The following DAB1 variants were observed in gnomAD, a reference collection of about 807,000 sequenced individuals.
DAB1 encodes DAB adaptor protein 1, also known as disabled homolog 1.
In DAB1, 15 loss-of-function variants were observed where a neutral mutation model predicts 64.6. That is an observed-to-expected ratio of 0.23 (90% confidence interval 0.16 to 0.36). The LOEUF (loss-of-function observed/expected upper bound fraction) is 0.36. DAB1 is among the 10% of genes least tolerant of loss of function. The pLI, the probability that DAB1 is intolerant of heterozygous loss-of-function variation, is 1.00. For missense variants in DAB1, 596 were observed against 706.7 expected (o/e 0.84, Z 1.78); for synonymous variants, 235 against 251.9 (o/e 0.93, Z 0.64).
chr1:57,719,416 T>G (rs1647125104), intron 6 of DAB1, among the ~76,000 whole-genome samples: 1 of 152,176 alleles, frequency 6.6e-6, no homozygotes, highest in South Asian at 2.1e-4. Context: ...TCCTCCAAGT[T>G]CAGATGTGGT....
At chr1:58,320,905 G>A (rs933087514) in intron 4 of DAB1, among the ~76,000 whole-genome samples, 1 of 152,192 alleles carries the variant, frequency 6.6e-6, no homozygotes, top group African/African-American at 2.4e-5. Flanking sequence ...AAGAAAAAAA[G>A]CCAGCTCATT....
intron 6 of DAB1, among the ~76,000 whole-genome samples, chr1:57,812,393 A>G: frequency 6.6e-6 from 1 of 152,034 alleles, no homozygotes; most frequent in Non-Finnish European, 1.5e-5. Context: ...TCAGAGACAA[A>G]GAAGGGGCCA....
chr1:57,124,655 A>T (rs534569), intron 4 of DAB1, among the ~76,000 whole-genome samples: 12,457 of 152,218 alleles, frequency 0.082, 692 homozygotes, highest in Middle Eastern at 0.12. Flanking sequence ...CAGATTTGCA[A>T]TCTCCTAATT....
At chr1:58,498,364 T>C (rs183609644) in intron 3 of DAB1, among the ~76,000 whole-genome samples, 1 of 152,258 alleles carries the variant, frequency 6.6e-6, no homozygotes, top group Non-Finnish European at 1.5e-5. Context: ...AGGTTTAAAT[T>C]TTAAATATTT....
chr1:58,485,071 G>A (rs111633832), intron 3 of DAB1, among the ~76,000 whole-genome samples: 1 of 151,840 alleles, frequency 6.6e-6, no homozygotes, highest in Admixed American at 6.6e-5. Flanking sequence ...GTCAACATAG[G>A]TTCATCAATT....
Position 57,539,143 on chromosome 1 carries a change from C to T in DAB1, n.625+110449G>A, listed in dbSNP as rs368087869. On this transcript the variant is annotated intron_variant and non_coding_transcript_variant, in intron 7 of 20. Transcript: ENST00000485760. ...GCACTGGGAAGAATCAATATCAGCT[C>T]AGCCAGTACAGACCAAGTATGTCTA... is the stretch of plus-strand genomic sequence containing the variant. Among the ~76,000 whole-genome samples, 11 of 152,328 alleles carry T rather than the reference C, an allele frequency of 7.2e-5. No individual in the cohort carries two copies. In the South Asian group the frequency reaches 1.0e-3, roughly 14 times the overall value.
At chr1:58,024,136 T>A (rs554145069) in intron 5 of DAB1, among the ~76,000 whole-genome samples, 137 of 152,336 alleles carry the variant, frequency 9.0e-4, no homozygotes, top group African/African-American at 3.2e-3. Flanking sequence ...TTTTCACTTG[T>A]TAATTTGTCC....
chr1:57,005,872 TTAGGTGATGCTAGTAA>T (rs1646047744), intron 14 of DAB1, among the ~76,000 whole-genome samples: 1 of 152,214 alleles, frequency 6.6e-6, no homozygotes, highest in Non-Finnish European at 1.5e-5. Context: ...GAGGATTAAA[TTAGGTGATGCTAGTAA>T]TTTTAAAATA....
chr1:57,142,882 T>C (rs1404459783), intron 3 of DAB1, among the ~76,000 whole-genome samples: 1 of 152,150 alleles, frequency 6.6e-6, no homozygotes, highest in Non-Finnish European at 1.5e-5. Flanking sequence ...GAGAACCAGA[T>C]CTTTGCATTT....
intron 3 of DAB1, among the ~76,000 whole-genome samples, chr1:58,394,638 T>G (rs1219936961): frequency 6.6e-6 from 1 of 152,172 alleles, no homozygotes; most frequent in Admixed American, 6.5e-5. Context: ...AACATTATGT[T>G]AAGTGAAAGC....
intron 3 of DAB1, among the ~76,000 whole-genome samples, chr1:57,140,274 T>C (rs1459255024): frequency 1.3e-5 from 2 of 152,174 alleles, no homozygotes; most frequent in Non-Finnish European, 2.9e-5. Flanking sequence ...CTAGAGGTTC[T>C]CTTACCCATC....
At chr1:57,307,099 G>A (rs576042480) in intron 1 of DAB1, 2 of 152,130 alleles carry the variant, frequency 1.3e-5, no homozygotes, top group Admixed American at 6.5e-5. Context: ...TTTTAGGAGG[G>A]TCCCCTCGGG....
At chr1:58,157,462 C>T (rs1655285674) in intron 4 of DAB1, among the ~76,000 whole-genome samples, 1 of 152,156 alleles carries the variant, frequency 6.6e-6, no homozygotes, top group Non-Finnish European at 1.5e-5. Flanking sequence ...GCCCAGGCTT[C>T]TTTGTGAAGA....
intron 5 of DAB1, among the ~76,000 whole-genome samples, chr1:58,100,158 A>G (rs1340596161): frequency 2.6e-5 from 4 of 152,206 alleles, no homozygotes; most frequent in African/African-American, 4.8e-5. Context: ...TGTGTTCACA[A>G]TGTTGAAAAC....
intron 1 of DAB1, among the ~76,000 whole-genome samples, chr1:57,852,508 T>A (rs1653573759): frequency 6.6e-6 from 1 of 152,038 alleles, no homozygotes; most frequent in South Asian, 2.1e-4. Flanking sequence ...CCGTGGTGAA[T>A]GCCCACATCA....
intron 6 of DAB1, among the ~76,000 whole-genome samples, chr1:57,812,901 C>G (rs1387433646): frequency 2.0e-5 from 3 of 152,160 alleles, no homozygotes; most frequent in Admixed American, 6.5e-5. Flanking sequence ...GTGGCCACAT[C>G]CTTAGTGAGT....
intron 5 of DAB1, among the ~76,000 whole-genome samples, chr1:58,134,025 T>G (rs1283699280): frequency 6.6e-6 from 1 of 152,248 alleles, no homozygotes; most frequent in Non-Finnish European, 1.5e-5. Flanking sequence ...TAATTAGCTG[T>G]GTGACCCTGG....
At chr1:57,598,716 G>A (rs1298463616) in intron 7 of DAB1, among the ~76,000 whole-genome samples, 1 of 152,174 alleles carries the variant, frequency 6.6e-6, no homozygotes, top group Non-Finnish European at 1.5e-5. Flanking sequence ...GGCAATCAGA[G>A]AAAGCTTCCG....
intron 1 of DAB1, chr1:57,387,564 C>T (rs994420386): frequency 2.0e-5 from 3 of 152,424 alleles, no homozygotes; most frequent in African/African-American, 7.2e-5. Context: ...TGGCTCACGC[C>T]TGTAATCCCA....
Sources: allele counts gnomAD v4.1 joint callset (sites outside exome capture counted in the v4.1 genomes callset), GRCh38; gene constraint gnomAD v4.1.1; transcripts MANE v1.5; gene names NCBI Gene and HGNC (gene_info 2026-07-23, HGNC 2026-07-21).